The following CDC27 variants were observed in gnomAD, a reference collection of about 807,000 sequenced individuals.
CDC27 encodes the protein cell division cycle protein 27 homolog.
CDC27 carries 27 observed loss-of-function variants against 109.7 expected under a neutral mutation model. The ratio of observed to expected loss-of-function variants is 0.25; its 90% CI spans 0.18 to 0.34. The LOEUF is 0.34. Among genes scored for constraint, CDC27 ranks in the 10% least tolerant of loss-of-function variants. The probability of loss-of-function intolerance (pLI) is 1.00; values close to 1 mark genes in which losing one functional copy is unlikely to be tolerated. For missense variants in CDC27, 579 were observed against 960.2 expected (o/e 0.60, Z 5.25); for synonymous variants, 266 against 333.9 (o/e 0.80, Z 2.22).
At position 47,120,896 on chromosome 17, in the gene CDC27, T is replaced by C. The variant is rs1041076257; in HGVS notation, c.*39A>G. On this transcript the variant is annotated 3_prime_UTR_variant, in exon 19 of 19. Coordinates refer to ENST00000066544, the MANE Select transcript of CDC27 (RefSeq NM_001256.6). ...AGAGGGACAAGAAACACGTCAGCAC[T>C]AGTCACACATCCAGTTGTAAAAGTC... The C allele has an allele frequency of 1.4e-6, 2 of 1,411,488 alleles. No homozygotes were observed. 87.4% of individuals were successfully genotyped at this position (1,411,488 alleles called of 1,614,324 possible).
chr17:47,173,817 G>C (rs1337475179), intron 2 of CDC27, among the ~76,000 whole-genome samples: 1 of 152,258 alleles, frequency 6.6e-6, no homozygotes, highest in Non-Finnish European at 1.5e-5. Flanking sequence ...AACTGGCCAG[G>C]CGTGGTGGCT....
chr17:47,150,673 G>C (rs2063126853), intron 9 of CDC27, among the ~76,000 whole-genome samples: 1 of 152,128 alleles, frequency 6.6e-6, no homozygotes, highest in South Asian at 2.1e-4. Context: ...GGCAGCCCTA[G>C]AAAACTAATA....
At position 47,118,553 on chromosome 17, in the gene CDC27, T is replaced by C. The variant is rs890207730; in HGVS notation, c.*2382A>G. 2 of 152,522 alleles carry C rather than the reference T, an allele frequency of 1.3e-5. No homozygotes were observed. Among genetic ancestry groups the C allele is most frequent in the Non-Finnish European group, 2.9e-5 (2 of 68,024 alleles). The allele number at this position is 152,522 out of a possible 1,614,324, so 9.4% of individuals were successfully genotyped here. ...ATTGCAGGTTTTGCCATAAAAGTCA[T>C]GGCAAAAACCACAATTACTTATGCA... On this transcript the variant is annotated 3_prime_UTR_variant, in exon 19 of 19. Transcript: ENST00000066544.
chr17:47,152,544 T>G (rs1490457873), intron 8 of CDC27, among the ~76,000 whole-genome samples: 1 of 152,172 alleles, frequency 6.6e-6, no homozygotes, highest in African/African-American at 2.4e-5. Context: ...CTTCTCTAAT[T>G]TATTCCCTTA....
At chr17:47,147,035 C>A (rs2062979356) in intron 9 of CDC27, among the ~76,000 whole-genome samples, 1 of 152,112 alleles carries the variant, frequency 6.6e-6, no homozygotes, top group Non-Finnish European at 1.5e-5. Flanking sequence ...TGTACTCTAG[C>A]CTGGGCATCA....
At chr17:47,161,147 C>A (rs778254548) in intron 4 of CDC27, 2 of 150,082 alleles carry the variant, frequency 1.3e-5, no homozygotes, top group Non-Finnish European at 3.0e-5. Context: ...CCTCAGCCTC[C>A]CAAGTAGCTG....
At chr17:47,163,585 GGA>G (rs1470118106) in intron 4 of CDC27, among the ~76,000 whole-genome samples, 1 of 151,962 alleles carries the variant, frequency 6.6e-6, no homozygotes, top group Non-Finnish European at 1.5e-5. Flanking sequence ...CTCTGAAGAA[GGA>G]GAAAAAAGAA....
At chr17:47,159,298 T>A (rs2063418067) in intron 4 of CDC27, 1 of 622,202 alleles carries the variant, frequency 1.6e-6, no homozygotes, top group Admixed American at 3.0e-5. Flanking sequence ...GTGAATACAG[T>A]CTCCTTCCAG....
intron 7 of CDC27, 25 bp from the exon 8 acceptor site, chr17:47,154,811 G>T: frequency 8.8e-7 from 1 of 1,137,452 alleles, no homozygotes; most frequent in Non-Finnish European, 1.3e-6. Flanking sequence ...AAATCAAGGT[G>T]TCAAAAAGTC....
intron 4 of CDC27, chr17:47,159,388 A>G: frequency 1.3e-5 from 13 of 969,194 alleles, no homozygotes; most frequent in Non-Finnish European, 1.9e-5. Context: ...GTGGCAGTGC[A>G]GCCCCTGGCT....
chr17:47,179,830 G>A (rs2064155709), intron 2 of CDC27, among the ~76,000 whole-genome samples: 2 of 152,076 alleles, frequency 1.3e-5, no homozygotes, highest in African/African-American at 4.8e-5. Flanking sequence ...GACTAATCTG[G>A]GAATCTTGCC....
chr17:47,133,455 T>TTTG, intron 14 of CDC27, among the ~76,000 whole-genome samples: 1 of 150,044 alleles, frequency 6.7e-6, no homozygotes, highest in Non-Finnish European at 1.5e-5. Context: ...TGTTTTTTTT[T>TTTG]TGAGACGGAG....
chr17:47,149,527 A>G (rs111474812), intron 9 of CDC27, among the ~76,000 whole-genome samples: 39 of 151,996 alleles, frequency 2.6e-4, no homozygotes, highest in African/African-American at 8.4e-4. Context: ...AAAAAAAAAA[A>G]AAAGAAATGT....
rs542120720 is a variant in CDC27 at position 47,181,089 on chromosome 17, C to CAA, written c.103+471_103+472dup. ...CAACATAGCAAAACCCTATCTCTAC[C>CAA]AAAAAAAAAAAAAAAATTAGCCAGG... On this transcript the variant is annotated intron_variant, in intron 2 of 18. Coordinates refer to ENST00000066544, the MANE Select transcript of CDC27 (RefSeq NM_001256.6). Among the ~76,000 whole-genome samples the CAA allele has an allele frequency of 1.7e-3, 219 of 129,822 alleles. 1 individual carries two copies. The highest frequency in any genetic ancestry group is 5.6e-3 in the African/African-American group (198 of 35,320). The allele number at this position is 129,822 out of a possible 152,430, so 85.2% of individuals were successfully genotyped here.
intron 9 of CDC27, among the ~76,000 whole-genome samples, chr17:47,146,129 T>C (rs1438157645): frequency 6.6e-6 from 1 of 152,236 alleles, no homozygotes; most frequent in African/African-American, 2.4e-5. Flanking sequence ...AAAGAAGACA[T>C]GAAAGCTCTG....
At chr17:47,173,958 G>A (rs1212368209) in intron 2 of CDC27, among the ~76,000 whole-genome samples, 4 of 152,376 alleles carry the variant, frequency 2.6e-5, no homozygotes, top group African/African-American at 7.2e-5. Context: ...GCCAGGCGCG[G>A]TGGCGCAAGC....
rs778227848 is a variant in CDC27 at position 47,154,716 on chromosome 17, G to A, written c.913C>T (p.Pro305Ser). 6.2e-7 allele frequency: 1 copy of A among 1,609,168 alleles called. No homozygotes were observed. Among genetic ancestry groups the A allele is most frequent in the Non-Finnish European group, 8.5e-7 (1 of 1,177,076 alleles). ...GTGGATGGCACATCAATTACAGGAGGTGTATTAGTGTAGTTTTGTAAATAG... is the reference window on the plus strand; with the variant it reads ...GTGGATGGCACATCAATTACAGGAGATGTATTAGTGTAGTTTTGTAAATAG... ...GSYLQNYTNT[P>S]PVIDVPSTGA... Residue 305 changes from proline to serine, a missense_variant, in exon 8 of 19, where the codon CCT (proline) becomes TCT (serine). Coordinates refer to ENST00000066544, the MANE Select transcript of CDC27 (RefSeq NM_001256.6).
intron 16 of CDC27, among the ~76,000 whole-genome samples, chr17:47,128,802 G>A (rs1378634778): frequency 1.4e-5 from 2 of 140,168 alleles, no homozygotes; most frequent in Admixed American, 7.6e-5. Context: ...ATGAAGTCTC[G>A]CTCTGTCGCC....
intron 4 of CDC27, 191 bp downstream of exon 4, chr17:47,169,726 T>C (rs2063757274): frequency 5.2e-6 from 2 of 385,042 alleles, no homozygotes; most frequent in Non-Finnish European, 9.2e-6. Context: ...CTGTAGCTAT[T>C]ATCAGTAAGG....
Sources: gnomAD v4.1 joint callset for allele counts (sites outside exome capture counted in the v4.1 genomes callset) on GRCh38, gnomAD v4.1.1 for gene constraint, MANE v1.5 for transcripts, NCBI Gene and HGNC (gene_info 2026-07-23, HGNC 2026-07-21) for gene names.